GRK1: variants seen among roughly 807,000 people sequenced by gnomAD.
GRK1 encodes G protein-coupled receptor kinase 1.
In GRK1, 28 loss-of-function variants were observed where a neutral mutation model predicts 41.7. That is an observed-to-expected ratio of 0.67 (90% CI 0.50 to 0.92). The LOEUF (loss-of-function observed/expected upper bound fraction) is 0.92. GRK1 is among the 40% of genes least tolerant of loss of function. The pLI is 0.00. For synonymous variants in GRK1, 327 were observed against 286.7 expected (o/e 1.14, Z -1.42); for missense variants, 703 against 671.2 (o/e 1.05, Z -0.52).
Position 113,671,018 on chromosome 13 carries a change from ATTTCT to A in GRK1, c.828-477_828-473del, listed in dbSNP as rs1204812187. Among the ~76,000 whole-genome samples the A allele has an allele frequency of 1.6e-4, 24 of 152,278 alleles. No homozygotes were observed. Among genetic ancestry groups the A allele is most frequent in the Non-Finnish European group, 1.2e-4 (8 of 68,026 alleles). On this transcript the variant is annotated intron_variant, in intron 2 of 6. Coordinates refer to ENST00000335678, the MANE Select transcript of GRK1 (RefSeq NM_002929.3). This position sits in a 1 kb window ranked among gnomAD's most constrained non-coding sequence, Gnocchi z 4.1. ...GTTTAAATTATTTCTTGTTTAAATC[ATTTCT>A]TTTATTTGTTAGGTTTTGCTTCTCT...
rs1259132736 is a variant in GRK1, at chr13:113,667,327, G to A, written c.-60G>A. The A allele has an allele frequency of 9.6e-6, 14 of 1,450,812 alleles. No individual in the cohort carries two copies. The highest frequency in any genetic ancestry group is 2.5e-5 in the East Asian group (1 of 40,352). The allele number at this position is 1,450,812 out of a possible 1,614,324, so 89.9% of individuals were successfully genotyped here. ...AGTCAGGCCTGCTCTGTCTGTGAACGCTCCCGGCTTGGCCTCGGCTGATGG... is the reference window on the plus strand; with the variant it reads ...AGTCAGGCCTGCTCTGTCTGTGAACACTCCCGGCTTGGCCTCGGCTGATGG... On this transcript the variant is annotated 5_prime_UTR_variant, in exon 1 of 7. Transcript: ENST00000335678. This position sits in a 1 kb window ranked among gnomAD's most constrained non-coding sequence, Gnocchi z 7.5.
Position 113,667,952 on chromosome 13 carries a change from G to C in GRK1, c.566G>C (p.Trp189Ser). ...WLEAQPMGED[W>S]FLDFRVLGKG... ...GAAGCCCAGCCCATGGGGGAGGACT[G>C]GTTCCTGGACTTCAGGGTCCTAGGG... Residue 189 changes from tryptophan to serine, a missense_variant, in exon 1 of 7, where the codon TGG becomes TCG. Physicochemically the swap from Trp to Ser is radical, Grantham distance 177 (BLOSUM62 -3). Coordinates refer to ENST00000335678, the MANE Select transcript of GRK1 (RefSeq NM_002929.3). The surrounding 1 kb of genome is among the most constrained non-coding windows in gnomAD (Gnocchi z 7.5). 1 of 1,610,280 alleles carries C rather than the reference G, an allele frequency of 6.2e-7. No homozygotes were observed. Among genetic ancestry groups the C allele is most frequent in the Non-Finnish European group, 8.5e-7 (1 of 1,178,522 alleles).
At chr13:113,734,847 C>T (rs935041668) in intron 6 of GRK1, 5 of 424,438 alleles carry the variant, frequency 1.2e-5, no homozygotes, top group Non-Finnish European at 2.1e-5. Flanking sequence ...TCTCAGGCTT[C>T]TTCCGGCCCC....
intron 6 of GRK1, among the ~76,000 whole-genome samples, chr13:113,733,972 G>A (rs2049978855): frequency 1.7e-5 from 2 of 118,238 alleles, no homozygotes; most frequent in Admixed American, 1.7e-4. Flanking sequence ...GTGTGTGCGT[G>A]TGTGCGCATG....
chr13:113,650,008 C>T, the GRK1 span, among the ~76,000 whole-genome samples: 5 of 152,046 alleles, frequency 3.3e-5, no homozygotes, highest in Middle Eastern at 3.4e-3. This position sits in a 1 kb window ranked among gnomAD's most constrained non-coding sequence, Gnocchi z 5.0. Flanking sequence ...ATAAAAAATA[C>T]GAAAATTAGC....
the GRK1 span, among the ~76,000 whole-genome samples, chr13:113,653,636 C>CGG: frequency 6.6e-6 from 1 of 152,206 alleles, no homozygotes; most frequent in African/African-American, 2.4e-5. Flanking sequence ...GGAGTTGCCC[C>CGG]GGCCCTGGAA....
Position 113,731,319 on chromosome 13 carries a change from A to G in GRK1, c.1170A>G (p.Gly390=), listed in dbSNP as rs759114230. The G allele has an allele frequency of 1.8e-5, 27 of 1,536,524 alleles. No homozygotes were observed. The African/African-American group carries it at 3.4e-4, about 20-fold the overall frequency. ...VTLYEMIAAR[G]PFRARGEKVE... ...TGTATGAGATGATTGCGGCCAGAGG[A>G]CCCTTCCGAGCCCGTGGAGAGAAGG... The change falls in exon 5 of 7, where the codon GGA becomes GGG. Residue 390 remains glycine, a synonymous_variant. Transcript: ENST00000335678. The surrounding 1 kb of genome is among the most constrained non-coding windows in gnomAD (Gnocchi z 5.6).
At chr13:113,732,546 G>A (rs900801929) in intron 5 of GRK1, among the ~76,000 whole-genome samples, 5 of 152,232 alleles carry the variant, frequency 3.3e-5, no homozygotes, top group African/African-American at 1.2e-4. Context: ...TCCGTCCACC[G>A]TGGTGGAGTG....
the GRK1 span, chr13:113,658,255 T>C: frequency 7.4e-6 from 8 of 1,076,864 alleles, no homozygotes; most frequent in Non-Finnish European, 9.3e-6. Flanking sequence ...GTCAAAGGCA[T>C]CGCAGGCGAA....
the GRK1 span, among the ~76,000 whole-genome samples, chr13:113,657,446 C>T: frequency 5.9e-5 from 9 of 152,346 alleles, no homozygotes; most frequent in Non-Finnish European, 1.3e-4. Flanking sequence ...CTTGGAGGCC[C>T]AGGCATCTGC....
the GRK1 span, among the ~76,000 whole-genome samples, chr13:113,653,762 G>A: frequency 1.3e-5 from 2 of 152,212 alleles, no homozygotes; most frequent in African/African-American, 4.8e-5. Context: ...ATGTAAAATT[G>A]CATTTGAACA....
the GRK1 span, among the ~76,000 whole-genome samples, chr13:113,648,395 C>T: frequency 2.0e-5 from 3 of 152,232 alleles, no homozygotes; most frequent in African/African-American, 7.2e-5. Flanking sequence ...TGGGTACTAA[C>T]AGCCACACTG....
chr13:113,668,394 CAG>C, intron 1 of GRK1, among the ~76,000 whole-genome samples: 1 of 152,280 alleles, frequency 6.6e-6, no homozygotes, highest in East Asian at 1.9e-4. Context: ...GAGGACCTCT[CAG>C]GGGAGGCTGA....
chr13:113,648,450 G>C, the GRK1 span, among the ~76,000 whole-genome samples: 1 of 152,234 alleles, frequency 6.6e-6, no homozygotes, highest in Non-Finnish European at 1.5e-5. Context: ...CGCCGTCGGG[G>C]TGAGACGCCC....
Position 113,731,313 on chromosome 13 carries a change from C to CGTGG in GRK1, c.1164_1165insGTGG (p.Arg389ValfsTer30), listed in dbSNP as rs1431484573. ...TCACCCTGTATGAGATGATTGCGGC[C>CGTGG]AGAGGACCCTTCCGAGCCCGTGGAG... On this transcript the variant is annotated frameshift_variant, in exon 5 of 7. Transcript: ENST00000335678. LOFTEE classifies it high-confidence loss of function. This position sits in a 1 kb window ranked among gnomAD's most constrained non-coding sequence, Gnocchi z 5.6. 6.5e-7 allele frequency: 1 copy of CGTGG among 1,536,910 alleles called. No individual in the cohort carries two copies. The highest frequency in any genetic ancestry group is 8.7e-7 in the Non-Finnish European group (1 of 1,146,860).
chr13:113,723,487 T>C (rs1218906418), intron 4 of GRK1, among the ~76,000 whole-genome samples: 1 of 152,092 alleles, frequency 6.6e-6, no homozygotes, highest in Non-Finnish European at 1.5e-5. Flanking sequence ...AATCAGCATA[T>C]GTAAGATGAA....
chr13:113,727,301 G>GA (rs2049895262), intron 4 of GRK1, among the ~76,000 whole-genome samples: 3 of 152,116 alleles, frequency 2.0e-5, no homozygotes, highest in Admixed American at 6.5e-5. Context: ...ACAAGAGGGC[G>GA]GAGCACTCAG....
intron 4 of GRK1, among the ~76,000 whole-genome samples, chr13:113,730,662 G>A (rs1012735845): frequency 6.6e-6 from 1 of 152,232 alleles, no homozygotes; most frequent in African/African-American, 2.4e-5. Flanking sequence ...AGAAGACTGG[G>A]ACCGGACCAC....
chr13:113,664,217 C>A (rs1292759400), upstream of GRK1, among the ~76,000 whole-genome samples: 2 of 152,060 alleles, frequency 1.3e-5, no homozygotes, highest in African/African-American at 4.8e-5. This position sits in a 1 kb window ranked among gnomAD's most constrained non-coding sequence, Gnocchi z 5.4. Context: ...TTGAGCAGGG[C>A]GGGCTGGGGG....
Sources: allele counts gnomAD v4.1 joint callset (sites outside exome capture counted in the v4.1 genomes callset), GRCh38; gene constraint gnomAD v4.1.1; non-coding constraint Gnocchi (gnomAD v3.1); transcripts MANE v1.5; gene names NCBI Gene and HGNC (gene_info 2026-07-23, HGNC 2026-07-21).